The following PIGN variants were observed in gnomAD, a reference collection of about 807,000 sequenced individuals.
The protein encoded by PIGN is GPI ethanolamine phosphate transferase 1.
A neutral mutation model predicts 125.4 loss-of-function variants in PIGN; 117 were observed. The ratio of observed to expected loss-of-function variants is 0.93; its 90% CI spans 0.80 to 1.09. The LOEUF is 1.09. Among genes scored for constraint, PIGN ranks in the 50% least tolerant of loss-of-function variants. The pLI, the probability that PIGN is intolerant of heterozygous loss-of-function variation, is 0.00. For synonymous variants in PIGN, 392 were observed against 377.8 expected (o/e 1.04, Z -0.44); for missense variants, 1,075 against 1,094.9 (o/e 0.98, Z 0.26).
chr18:62,138,172 C>T, intron 14 of PIGN, 71 bp downstream of exon 14: 2 of 1,525,548 alleles, frequency 1.3e-6, no homozygotes, highest in Middle Eastern at 1.7e-4. Context: ...AATCCTATCA[C>T]TCAGTGAAAA....
chr18:62,179,195 T>C (rs1339147988), intron 1 of PIGN, among the ~76,000 whole-genome samples: 2 of 152,222 alleles, frequency 1.3e-5, no homozygotes, highest in African/African-American at 4.8e-5. Context: ...CTTACTAAAC[T>C]GTTAATATAA....
At chr18:62,050,733 C>G (rs1283026176) in intron 30 of PIGN, among the ~76,000 whole-genome samples, 1 of 152,158 alleles carries the variant, frequency 6.6e-6, no homozygotes, top group Non-Finnish European at 1.5e-5. Flanking sequence ...ACTTCCAACA[C>G]TATGTTGAAT....
chr18:62,042,157 C>A lies in PIGN; in HGVS notation c.*3699G>T, dbSNP rs1379348427. 6.6e-6 allele frequency: 1 copy of A among 151,852 alleles called. No homozygotes were observed. Among genetic ancestry groups the A allele is most frequent in the Non-Finnish European group, 1.5e-5 (1 of 67,982 alleles). 9.4% of individuals were successfully genotyped at this position (151,852 alleles called of 1,614,324 possible). ...CAAACATGGTGAAACCTTGTCAGTA[C>A]TAAAAATATGAAAATTAGCCAGACG... On this transcript the variant is annotated 3_prime_UTR_variant, in exon 31 of 31. Coordinates refer to ENST00000640252, the MANE Select transcript of PIGN (RefSeq NM_176787.5).
intron 30 of PIGN, chr18:62,059,281 A>T (rs879289020): frequency 2.6e-5 from 4 of 151,890 alleles, no homozygotes; most frequent in Non-Finnish European, 4.4e-5. Flanking sequence ...CAAACTCTTC[A>T]GCATAGAGCC....
At chr18:62,074,679 T>C (rs2033076367) in intron 29 of PIGN, 100 bp downstream of exon 29, 2 of 701,264 alleles carry the variant, frequency 2.9e-6, no homozygotes, top group Middle Eastern at 4.0e-4. Flanking sequence ...CAACTCAACA[T>C]CTAAAGATTT....
At chr18:62,077,227 A>T (rs1039957088) in intron 28 of PIGN, among the ~76,000 whole-genome samples, 4 of 152,056 alleles carry the variant, frequency 2.6e-5, no homozygotes, top group African/African-American at 9.7e-5. Context: ...AAAATAGAAA[A>T]ATTAGGCAGG....
rs529772329 is a variant in PIGN at position 62,079,319 on chromosome 18, G to T, written c.2576+3354C>A. Among the ~76,000 whole-genome samples the T allele has an allele frequency of 5.9e-5, 9 of 152,270 alleles. No homozygotes were observed. In the South Asian group the frequency reaches 1.9e-3, roughly 32 times the overall value. On this transcript the variant is annotated intron_variant, in intron 28 of 30. Transcript: ENST00000640252. ...GCATTTTATTTTCTTTGTCTCCCCAGGTAGACAGTAAGCTCTGATCACAAA... is the reference window on the plus strand; with the variant it reads ...GCATTTTATTTTCTTTGTCTCCCCATGTAGACAGTAAGCTCTGATCACAAA...
At chr18:62,054,616 T>C (rs2031586300) in intron 30 of PIGN, among the ~76,000 whole-genome samples, 1 of 151,308 alleles carries the variant, frequency 6.6e-6, no homozygotes, top group Non-Finnish European at 1.5e-5. Context: ...CTCAGCCTCC[T>C]GAGTAGCTGA....
intron 30 of PIGN, chr18:62,052,993 T>A (rs28830186): frequency 2.8e-4 from 106 of 378,310 alleles, no homozygotes; most frequent in Admixed American, 1.9e-3. Flanking sequence ...AAGAATCTGC[T>A]AAAATTATGA....
chr18:62,046,503 T>TTTTTTTTTTTTTTTTTTTGAGACG (rs1555670361), intron 30 of PIGN, among the ~76,000 whole-genome samples: 1 of 143,294 alleles, frequency 7.0e-6, no homozygotes, highest in South Asian at 2.4e-4. Flanking sequence ...GCACTTCTTA[T>TTTTTTTTTTTTTTTTTTTGAGACG]GAGAATCTAA....
chr18:62,033,652 C>T lies in PIGN; in HGVS notation c.2143-15911G>A, dbSNP rs543767747. 7.2e-5 allele frequency among the ~76,000 whole-genome samples: 11 copies of T among 152,266 alleles called. No homozygotes were observed. In the East Asian group the frequency reaches 2.1e-3, roughly 29 times the overall value. Reference sequence around the variant, plus strand: ...CTTCCCTCAAGCCCCTTCTCAATTGCTGGCCTTCTTGGCACATCAGTTTTC... The same window carrying T: ...CTTCCCTCAAGCCCCTTCTCAATTGTTGGCCTTCTTGGCACATCAGTTTTC... On this transcript the variant is annotated intron_variant, in intron 23 of 24. Coordinates refer to the PIGN transcript ENST00000639600.
In PIGN at chr18:62,123,725, G is replaced by A. The variant is rs2146825244; in HGVS notation, c.1173-9086C>T. On this transcript the variant is annotated intron_variant, in intron 14 of 30. Transcript: ENST00000640252. ...TCAGTTTTTGAATTTTAGATATTAA[G>A]GGAGAGTTTGAATAGTAAGGGGCAT... Among the ~76,000 whole-genome samples the A allele has an allele frequency of 1.3e-5, 2 of 152,198 alleles. 1 individual carries two copies. Among genetic ancestry groups the A allele is most frequent in the South Asian group, 4.1e-4 (2 of 4,826 alleles).
Position 62,043,655 on chromosome 18 carries a change from A to G in PIGN, c.*2201T>C, listed in dbSNP as rs1320677600. The stretch of plus-strand genomic sequence containing the variant: ...ATTCTAAATACTGTACACTAAGTAT[A>G]ATAATTAACATATTGGAAAATGACA... On this transcript the variant is annotated 3_prime_UTR_variant, in exon 31 of 31. Coordinates refer to ENST00000640252, the MANE Select transcript of PIGN (RefSeq NM_176787.5). 1 of 152,260 alleles carries G rather than the reference A, an allele frequency of 6.6e-6. No homozygotes were observed. The highest frequency in any genetic ancestry group is 2.4e-5 in the African/African-American group (1 of 41,466). 9.4% of individuals were successfully genotyped at this position (152,260 alleles called of 1,614,324 possible). A position where few individuals can be genotyped will look rare whatever the true frequency, so the allele number is the denominator to read the frequency against.
At chr18:62,099,125 CT>C (rs1166789356) in intron 22 of PIGN, among the ~76,000 whole-genome samples, 1 of 151,920 alleles carries the variant, frequency 6.6e-6, no homozygotes, top group African/African-American at 2.4e-5. Flanking sequence ...CTCAACTCAC[CT>C]TTTTAGTTAA....
chr18:62,049,241 T>G (rs1311925213), intron 30 of PIGN, among the ~76,000 whole-genome samples: 5 of 152,188 alleles, frequency 3.3e-5, no homozygotes, highest in Non-Finnish European at 4.4e-5. Flanking sequence ...CTGGGTCAAA[T>G]GGTACTTCTA....
chr18:62,096,792 T>C (rs1351484850), intron 22 of PIGN, among the ~76,000 whole-genome samples: 1 of 136,652 alleles, frequency 7.3e-6, no homozygotes, highest in Non-Finnish European at 1.5e-5. Context: ...TTTGGTTTTT[T>C]GTTCTTGCGA....
chr18:62,120,212 G>C (rs1383143288), intron 14 of PIGN, among the ~76,000 whole-genome samples: 1 of 152,122 alleles, frequency 6.6e-6, no homozygotes. Context: ...CTGGGGGAAG[G>C]GGAAGGGGAA....
Position 62,090,584 on chromosome 18 carries a change from A to G in PIGN, c.2181-6T>C, listed in dbSNP as rs1568163997. ...GTGGAAAGAGAGCTTCATACCTAAC[A>G]GGTGGGGAAAGGTAGAAATGAAAAG... On this transcript the variant is annotated splice_region_variant and splice_polypyrimidine_tract_variant and intron_variant, in intron 23 of 30. Coordinates refer to ENST00000640252, the MANE Select transcript of PIGN (RefSeq NM_176787.5). The G allele has an allele frequency of 6.6e-7, 1 of 1,505,280 alleles. No homozygotes were observed. Among genetic ancestry groups the G allele is most frequent in the South Asian group, 1.2e-5 (1 of 85,790 alleles). The allele number at this position is 1,505,280 out of a possible 1,614,324, so 93.2% of individuals were successfully genotyped here.
chr18:62,157,065 G>GA, intron 6 of PIGN, 64 bp downstream of exon 6: 1 of 672,940 alleles, frequency 1.5e-6, no homozygotes. Flanking sequence ...CATAAAAATA[G>GA]AAAACTACCA....
Sources: gnomAD v4.1 joint callset for allele counts (sites outside exome capture counted in the v4.1 genomes callset) on GRCh38, gnomAD v4.1.1 for gene constraint, MANE v1.5 for transcripts, NCBI Gene and HGNC (gene_info 2026-07-23, HGNC 2026-07-21) for gene names.